The following NTAQ1 variants were observed in gnomAD, a reference collection of about 807,000 sequenced individuals.
NTAQ1 encodes the protein protein N-terminal glutamine amidohydrolase.
A neutral mutation model predicts 28.2 loss-of-function variants in NTAQ1; 21 were observed. That is an observed-to-expected ratio of 0.74 (90% CI 0.53 to 1.07). NTAQ1 has a LOEUF of 1.07. NTAQ1 is among the 50% of genes least tolerant of loss of function. The pLI is 0.00. For missense variants in NTAQ1, 264 were observed against 256.6 expected (o/e 1.03, Z -0.20); for synonymous variants, 105 against 90.0 (o/e 1.17, Z -0.94).
chr8:123,455,256 C>T (rs1045225967), intron 6 of NTAQ1: 3 of 152,138 alleles, frequency 2.0e-5, no homozygotes, highest in African/African-American at 7.3e-5. Context: ...CCGTCCCTGC[C>T]GCCATGGCTG....
chr8:123,431,432 G>A (rs529724923), intron 3 of NTAQ1, among the ~76,000 whole-genome samples: 1 of 151,946 alleles, frequency 6.6e-6, no homozygotes, highest in South Asian at 2.1e-4. Context: ...CAAACTCCTA[G>A]TTTCTGGGTA....
intron 6 of NTAQ1, among the ~76,000 whole-genome samples, chr8:123,454,492 C>T (rs1158474797): frequency 6.6e-6 from 1 of 152,094 alleles, no homozygotes; most frequent in Non-Finnish European, 1.5e-5. Flanking sequence ...CCCAGCCTCC[C>T]GAGTAGCTGG....
chr8:123,440,146 C>CTTTTTTTTTTTTT lies in NTAQ1; in HGVS notation c.509-1145_509-1133dup, dbSNP rs577877415. ...CCACCACGCTGGCCAGGATTAACTC[C>CTTTTTTTTTTTTT]TTTTTTTTTTTTTTTTTTTTTTTTT... On this transcript the variant is annotated intron_variant, in intron 5 of 5. Transcript: ENST00000287387. Among the ~76,000 whole-genome samples the CTTTTTTTTTTTTT allele has an allele frequency of 4.1e-4, 23 of 56,572 alleles. 3 individuals are homozygous for CTTTTTTTTTTTTT. Among genetic ancestry groups the CTTTTTTTTTTTTT allele is most frequent in the African/African-American group, 1.6e-3 (21 of 13,276 alleles). The allele number at this position is 56,572 out of a possible 152,430, so 37.1% of individuals were successfully genotyped here. A position where few individuals can be genotyped will look rare whatever the true frequency, so the allele number is the denominator to read the frequency against.
At chr8:123,454,212 G>A (rs1406195994) in intron 6 of NTAQ1, among the ~76,000 whole-genome samples, 1 of 152,212 alleles carries the variant, frequency 6.6e-6, no homozygotes, top group Non-Finnish European at 1.5e-5. Flanking sequence ...CTCAGCGGCA[G>A]AGAACAGAAA....
rs540797523 is a variant in NTAQ1 at position 123,454,679 on chromosome 8, G to C, written c.373-12400G>C. 2.6e-5 allele frequency among the ~76,000 whole-genome samples: 4 copies of C among 152,260 alleles called. No homozygotes were observed. The South Asian group carries it at 8.3e-4, about 32-fold the overall frequency. The stretch of plus-strand genomic sequence containing the variant: ...GTGAACTCTGGCAGTACTGTCACTG[G>C]TTCAGAGCATCTACTACATCTTATG... On this transcript the variant is annotated intron_variant, in intron 6 of 6. Transcript: ENST00000650311.
chr8:123,430,117 AC>A, intron 3 of NTAQ1, 84 bp downstream of exon 3: 2 of 1,011,610 alleles, frequency 2.0e-6, no homozygotes, highest in Non-Finnish European at 3.0e-6. Context: ...AGCAGAAGTG[AC>A]CTAAGCAGTA....
chr8:123,473,400 A>G (rs964683651), downstream of NTAQ1, among the ~76,000 whole-genome samples: 1 of 151,826 alleles, frequency 6.6e-6, no homozygotes, highest in African/African-American at 2.4e-5. Context: ...GGCTCAACCA[A>G]TTCTCCTGCC....
intron 6 of NTAQ1, among the ~76,000 whole-genome samples, chr8:123,458,061 T>TA (rs57057942): frequency 3.6e-5 from 4 of 112,078 alleles, no homozygotes; most frequent in Admixed American, 1.2e-4. Flanking sequence ...AGATTTAAAA[T>TA]AAAAAAAAAA....
chr8:123,419,800 A>G (rs1232367316), intron 1 of NTAQ1, among the ~76,000 whole-genome samples: 1 of 69,918 alleles, frequency 1.4e-5, no homozygotes, highest in Non-Finnish European at 2.7e-5. Context: ...TCCTTCCTTC[A>G]TTCCTTTCTT....
intron 6 of NTAQ1, among the ~76,000 whole-genome samples, chr8:123,466,444 C>T (rs960089420): frequency 6.6e-6 from 1 of 152,144 alleles, no homozygotes; most frequent in Non-Finnish European, 1.5e-5. Context: ...TGCCAGCTCT[C>T]GCAAAGAAGG....
At chr8:123,459,800 CTTTT>C (rs35644112) in intron 6 of NTAQ1, among the ~76,000 whole-genome samples, 1 of 119,604 alleles carries the variant, frequency 8.4e-6, no homozygotes. Flanking sequence ...ATACATCATT[CTTTT>C]TTTTTTTTTT....
chr8:123,417,898 A>C (rs531551853), intron 1 of NTAQ1, among the ~76,000 whole-genome samples: 4 of 152,212 alleles, frequency 2.6e-5, no homozygotes, highest in African/African-American at 9.6e-5. Context: ...ACATCTAGCA[A>C]GTGGTGGTGC....
intron 5 of NTAQ1, chr8:123,438,206 C>T (rs1000871554): frequency 4.4e-5 from 31 of 701,292 alleles, no homozygotes; most frequent in Non-Finnish European, 7.0e-5. Context: ...TATTGTTTGG[C>T]ATTCATATGA....
chr8:123,432,762 C>A (rs1814474608), intron 3 of NTAQ1, among the ~76,000 whole-genome samples: 1 of 150,004 alleles, frequency 6.7e-6, no homozygotes, highest in African/African-American at 2.4e-5. Flanking sequence ...TCACTGCAAA[C>A]TCTGACCCCC....
chr8:123,466,151 A>G (rs1464919277), intron 6 of NTAQ1, among the ~76,000 whole-genome samples: 2 of 152,122 alleles, frequency 1.3e-5, no homozygotes, highest in East Asian at 1.9e-4. Flanking sequence ...GAGAATTACA[A>G]CTGGAGAGGT....
chr8:123,434,547 C>T (rs1026795485), intron 3 of NTAQ1, among the ~76,000 whole-genome samples: 1 of 152,106 alleles, frequency 6.6e-6, no homozygotes, highest in Non-Finnish European at 1.5e-5. Context: ...ATCACTCGAA[C>T]CCCGGAGGTG....
intron 1 of NTAQ1, among the ~76,000 whole-genome samples, chr8:123,419,758 T>TCCCTCCCTG (rs1563879249): frequency 4.4e-5 from 1 of 22,910 alleles, no homozygotes. Context: ...CTCCCTCCCT[T>TCCCTCCCTG]CCTTCCTTCC....
intron 3 of NTAQ1, among the ~76,000 whole-genome samples, chr8:123,430,340 C>T (rs915480834): frequency 1.3e-5 from 2 of 152,108 alleles, no homozygotes; most frequent in African/African-American, 2.4e-5. Flanking sequence ...TATCTGGAGA[C>T]TGTTAAAAAT....
At chr8:123,446,536 T>TGTGTCTGTACA (rs59187173), downstream of NTAQ1, among the ~76,000 whole-genome samples, 54,941 of 151,936 alleles carry the variant, frequency 0.36, 10,029 homozygotes, top group East Asian at 0.56. Context: ...CTCCTCCCTC[T>TGTGTCTGTACA]GGAGAGCTTT....
Sources: gnomAD v4.1 joint callset for allele counts (sites outside exome capture counted in the v4.1 genomes callset) on GRCh38, gnomAD v4.1.1 for gene constraint, MANE v1.5 for transcripts, NCBI Gene and HGNC (gene_info 2026-07-23, HGNC 2026-07-21) for gene names.